The following WNT7B variants were observed in gnomAD, a reference collection of about 807,000 sequenced individuals.
WNT7B encodes the protein protein Wnt-7b.
In WNT7B, 19 loss-of-function variants were observed where a neutral mutation model predicts 38.2. The ratio of observed to expected loss-of-function variants is 0.50; its 90% CI spans 0.35 to 0.73. The LOEUF (loss-of-function observed/expected upper bound fraction) is 0.73, where lower values mean the gene tolerates loss of function less well. WNT7B is among the 30% of genes least tolerant of loss of function. The pLI is 0.01. For missense variants in WNT7B, 423 were observed against 507.9 expected, an observed-to-expected ratio of 0.83 and a Z score of 1.61; for synonymous variants, 243 against 209.3, an observed-to-expected ratio of 1.16 and a Z score of -1.39.
chr22:45,935,381 C>T (rs1280191123), intron 2 of WNT7B, among the ~76,000 whole-genome samples: 1 of 152,236 alleles, frequency 6.6e-6, no homozygotes, highest in Non-Finnish European at 1.5e-5. Context: ...CGTGGCCTGC[C>T]TGCAGGTTGG....
At chr22:45,929,695 C>CCCATCCCCTTTTCCATCCCT (rs141904678) in intron 3 of WNT7B, among the ~76,000 whole-genome samples, 1 of 140,262 alleles carries the variant, frequency 7.1e-6, no homozygotes, top group African/African-American at 2.8e-5. Flanking sequence ...CTTCCATCCA[C>CCCATCCCCTTTTCCATCCCT]CCATCTTTCC....
At chr22:45,935,448 G>A (rs2146718269) in intron 2 of WNT7B, among the ~76,000 whole-genome samples, 1 of 152,316 alleles carries the variant, frequency 6.6e-6, no homozygotes, top group Non-Finnish European at 1.5e-5. Flanking sequence ...CTGGCTTCCT[G>A]CCGCCTGCCC....
Position 45,975,466 on chromosome 22 carries a change from G to T in WNT7B, c.71+1218C>A, listed in dbSNP as rs1408804110. On this transcript the variant is annotated intron_variant, in intron 1 of 3. Coordinates refer to ENST00000339464, the MANE Select transcript of WNT7B (RefSeq NM_058238.3). This position sits in a 1 kb window ranked among gnomAD's most constrained non-coding sequence, Gnocchi z 6.6. ...CGCCCGCCCAGACCTGCAGGGCTCAGGCTAGGACGGGGGCTTCCAGTCCTG... is the reference window on the plus strand; with the variant it reads ...CGCCCGCCCAGACCTGCAGGGCTCATGCTAGGACGGGGGCTTCCAGTCCTG... The T allele has an allele frequency of 1.1e-5, 8 of 706,976 alleles. No individual in the cohort carries two copies. In the East Asian group the frequency reaches 1.9e-4, roughly 17 times the overall value. The allele number at this position is 706,976 out of a possible 1,614,324, so 43.8% of individuals were successfully genotyped here. A position where few individuals can be genotyped will look rare whatever the true frequency, so the allele number is the denominator to read the frequency against.
rs966767910 is a variant in WNT7B at position 45,925,409 on chromosome 22, C to T, written c.571-2074G>A. On this transcript the variant is annotated intron_variant, in intron 3 of 3. Coordinates refer to ENST00000339464, the MANE Select transcript of WNT7B (RefSeq NM_058238.3). The stretch of plus-strand genomic sequence containing the variant: ...GGGAGAGGGAGGCTGATGTCCCTCC[C>T]AGGATGGCAGAGGGTGGGAGGAGCC... The T allele has an allele frequency of 1.8e-5, 18 of 985,204 alleles. No homozygotes were observed. In the African/African-American group the frequency reaches 3.1e-4, roughly 17 times the overall value. The allele number at this position is 985,204 out of a possible 1,614,324, so 61.0% of individuals were successfully genotyped here.
chr22:45,925,580 C>CTCTCCCATCCTGTCCA (rs1163844837), intron 3 of WNT7B: 4 of 985,160 alleles, frequency 4.1e-6, no homozygotes, highest in African/African-American at 3.5e-5. Flanking sequence ...CCTCCTGTCC[C>CTCTCCCATCCTGTCCA]TCTCCCATCC....
intron 3 of WNT7B, among the ~76,000 whole-genome samples, chr22:45,924,771 G>A (rs1931025839): frequency 6.7e-6 from 1 of 149,946 alleles, no homozygotes; most frequent in African/African-American, 2.5e-5. Context: ...TGGCAGGTGG[G>A]TGCCGGGGGA....
chr22:45,943,107 A>G (rs77051769), intron 2 of WNT7B, among the ~76,000 whole-genome samples: 4,201 of 151,898 alleles, frequency 0.028, 205 homozygotes, highest in African/African-American at 0.096. Flanking sequence ...GTGTGTGTGC[A>G]TGTGTGTGTG....
intron 3 of WNT7B, 123 bp downstream of exon 3, chr22:45,930,973 CCA>C: frequency 7.4e-7 from 1 of 1,348,572 alleles, no homozygotes; most frequent in South Asian, 1.5e-5. Flanking sequence ...CCAGACGGCC[CCA>C]CCCCCTGCAC....
chr22:45,970,546 C>A (rs1249400053), intron 1 of WNT7B, among the ~76,000 whole-genome samples: 1 of 152,134 alleles, frequency 6.6e-6, no homozygotes, highest in African/African-American at 2.4e-5. Context: ...CCCAACCCCC[C>A]CACTTCCCTT....
intron 2 of WNT7B, among the ~76,000 whole-genome samples, chr22:45,937,742 C>T (rs767443175): frequency 8.5e-5 from 13 of 152,262 alleles, no homozygotes; most frequent in Non-Finnish European, 1.6e-4. Flanking sequence ...CACAGCGGCT[C>T]ACGCCTATAA....
chr22:45,931,486 T>G, intron 2 of WNT7B, 117 bp from the exon 3 acceptor site: 2 of 1,248,284 alleles, frequency 1.6e-6, no homozygotes, highest in Non-Finnish European at 1.1e-6. Flanking sequence ...GACCCTGGGC[T>G]CATCGCTCGC....
intron 2 of WNT7B, among the ~76,000 whole-genome samples, chr22:45,943,051 CAT>C (rs1569117009): frequency 1.4e-5 from 2 of 144,646 alleles, no homozygotes; most frequent in African/African-American, 2.9e-5. Context: ...GTGCAGCATG[CAT>C]GTGTGTGCAG....
Position 45,926,758 on chromosome 22 carries a change from C to T in WNT7B, c.571-3423G>A, listed in dbSNP as rs543343799. ...GGGACACAGCACACGTCTGCTTCAC[C>T]CTCTGACCACGAGCCCACAGAGTGG... On this transcript the variant is annotated intron_variant, in intron 3 of 3. Coordinates refer to ENST00000339464, the MANE Select transcript of WNT7B (RefSeq NM_058238.3). 6.1e-6 allele frequency: 6 copies of T among 985,244 alleles called. No homozygotes were observed. In the African/African-American group the frequency reaches 8.7e-5, roughly 14 times the overall value. 61.0% of individuals were successfully genotyped at this position (985,244 alleles called of 1,614,324 possible).
intron 3 of WNT7B, among the ~76,000 whole-genome samples, chr22:45,929,453 G>A (rs936009638): frequency 9.4e-6 from 1 of 106,168 alleles, no homozygotes; most frequent in African/African-American, 4.4e-5. Context: ...TCCATCCTTT[G>A]ATTCGTCCAT....
intron 1 of WNT7B, among the ~76,000 whole-genome samples, chr22:45,957,407 G>A (rs929782147): frequency 6.6e-6 from 1 of 151,974 alleles, no homozygotes; most frequent in Non-Finnish European, 1.5e-5. Context: ...AAACAGGCCG[G>A]GCACGGTGGC....
intron 3 of WNT7B, chr22:45,927,181 C>A: frequency 1.0e-6 from 1 of 985,446 alleles, no homozygotes; most frequent in Non-Finnish European, 1.2e-6. Flanking sequence ...CAGTGGGGAC[C>A]ATGTGCCAGG....
intron 1 of WNT7B, among the ~76,000 whole-genome samples, chr22:45,956,003 T>C (rs1932051669): frequency 6.6e-6 from 1 of 152,040 alleles, no homozygotes; most frequent in Non-Finnish European, 1.5e-5. Flanking sequence ...TGGGGCTGCC[T>C]CCAGGAGGAG....
chr22:45,952,296 G>A (rs572243275), intron 1 of WNT7B, among the ~76,000 whole-genome samples: 20 of 152,310 alleles, frequency 1.3e-4, no homozygotes, highest in African/African-American at 2.4e-4. Context: ...GTCCCCGTGC[G>A]GCCTGAGCCC....
At chr22:45,939,720 A>C (rs1601724447) in intron 2 of WNT7B, among the ~76,000 whole-genome samples, 1 of 151,926 alleles carries the variant, frequency 6.6e-6, no homozygotes, top group East Asian at 1.9e-4. Context: ...CAGCTCCTCA[A>C]GAGGCTGAGG....
Sources: gnomAD v4.1 joint callset for allele counts (sites outside exome capture counted in the v4.1 genomes callset) on GRCh38, gnomAD v4.1.1 for gene constraint, Gnocchi (gnomAD v3.1) non-coding constraint, MANE v1.5 for transcripts, NCBI Gene and HGNC (gene_info 2026-07-23, HGNC 2026-07-21) for gene names.